Variants in EYA2 observed in about 807,000 individuals in gnomAD.
The protein encoded by EYA2 is EYA transcriptional coactivator and phosphatase 2, also known as protein phosphatase EYA2.
EYA2 carries 31 observed loss-of-function variants against 69.2 expected under a neutral mutation model. The observed-to-expected ratio is 0.45, with a 90% CI of 0.34 to 0.60. The LOEUF (loss-of-function observed/expected upper bound fraction) is 0.60, where lower values mean the gene tolerates loss of function less well. Ranked by LOEUF, EYA2 falls within the 20% of genes least tolerant of loss-of-function variation. EYA2 has a pLI of 0.02. For synonymous variants in EYA2, 257 were observed against 279.4 expected (o/e 0.92, Z 0.80); for missense variants, 622 against 701.2 (o/e 0.89, Z 1.28).
Position 47,183,433 on chromosome 20 carries a change from G to A in EYA2, c.1536+42G>A, listed in dbSNP as rs756975324. 4 of 1,588,492 alleles carry A rather than the reference G, an allele frequency of 2.5e-6. No individual in the cohort carries two copies. The African/African-American group carries it at 4.0e-5, about 16-fold the overall frequency. The stretch of plus-strand genomic sequence containing the variant: ...TCAGACTGCGTTTTCCTGCTCTTTC[G>A]AGCACCCCTCGTGGTCTTCAAGGGC... On this transcript the variant is annotated intron_variant, in intron 15 of 15. Transcript: ENST00000327619.
intron 12 of EYA2, among the ~76,000 whole-genome samples, chr20:47,175,122 G>A (rs898830996): frequency 2.0e-5 from 3 of 152,212 alleles, no homozygotes; most frequent in South Asian, 2.1e-4. Flanking sequence ...CACCCAAGGC[G>A]TCAGCCAGTG....
chr20:47,160,488 G>A (rs966863262), intron 10 of EYA2, among the ~76,000 whole-genome samples: 7 of 152,110 alleles, frequency 4.6e-5, no homozygotes, highest in African/African-American at 1.4e-4. Flanking sequence ...GACCACGGTG[G>A]GGCGGGGGGC....
intron 10 of EYA2, chr20:47,161,467 C>A: frequency 4.5e-6 from 2 of 447,358 alleles, no homozygotes; most frequent in East Asian, 5.9e-5. Context: ...TCTTTGATGG[C>A]CAGGAAGAAG....
intron 1 of EYA2, among the ~76,000 whole-genome samples, chr20:46,916,108 GC>G (rs2146230720): frequency 6.6e-6 from 1 of 152,162 alleles, no homozygotes; most frequent in South Asian, 2.1e-4. Context: ...AAAATCGCTG[GC>G]CCCTTCACTC....
intron 1 of EYA2, among the ~76,000 whole-genome samples, chr20:46,921,339 A>G (rs1418835108): frequency 6.6e-6 from 1 of 152,262 alleles, no homozygotes; most frequent in Non-Finnish European, 1.5e-5. Context: ...ACAGTTTACA[A>G]ACAGTCTCCA....
At position 47,022,684 on chromosome 20, in the gene EYA2, G is replaced by GTCTC. The variant is rs112100345; in HGVS notation, c.415+6389_415+6392dup. ...TTTTTTTTTTTTTTTTTGAGGCAGG[G>GTCTC]TCTCTGTCACCCGGGCTGGAGTGCA... On this transcript the variant is annotated intron_variant, in intron 5 of 15. Coordinates refer to ENST00000327619, the MANE Select transcript of EYA2 (RefSeq NM_005244.5). 2.2e-4 allele frequency among the ~76,000 whole-genome samples: 29 copies of GTCTC among 132,988 alleles called. 2 individuals are homozygous for GTCTC. The highest frequency in any genetic ancestry group is 8.1e-4 in the African/African-American group (29 of 35,700). 87.2% of individuals were successfully genotyped at this position (132,988 alleles called of 152,430 possible).
chr20:46,949,394 C>G (rs188768384), intron 1 of EYA2, among the ~76,000 whole-genome samples: 49 of 152,274 alleles, frequency 3.2e-4, no homozygotes, highest in Admixed American at 3.2e-3. Flanking sequence ...CAAACCTAGT[C>G]TCACAGTCAA....
In EYA2 at chr20:47,034,073, A is replaced by G. The variant is rs767388773; in HGVS notation, c.415+17776A>G. 1.7e-4 allele frequency among the ~76,000 whole-genome samples: 26 copies of G among 152,202 alleles called. 1 individual carries two copies. Among genetic ancestry groups the G allele is most frequent in the Admixed American group, 4.6e-4 (7 of 15,286 alleles). ...TCTATTTGATGCTGATATATCTTCA[A>G]TGTGTCTCTAATCCCTGCAAATACT... On this transcript the variant is annotated intron_variant, in intron 5 of 15. Coordinates refer to ENST00000327619, the MANE Select transcript of EYA2 (RefSeq NM_005244.5).
chr20:47,049,037 A>G (rs1022755982), intron 5 of EYA2, among the ~76,000 whole-genome samples: 1 of 152,214 alleles, frequency 6.6e-6, no homozygotes, highest in African/African-American at 2.4e-5. Flanking sequence ...CATTTTGCAG[A>G]TGGAGAAACT....
chr20:47,167,697 C>T (rs954756788), intron 10 of EYA2, among the ~76,000 whole-genome samples: 4 of 152,084 alleles, frequency 2.6e-5, no homozygotes, highest in Non-Finnish European at 5.9e-5. Flanking sequence ...TCCTTTCTGT[C>T]ATCAGATCAC....
intron 9 of EYA2, among the ~76,000 whole-genome samples, chr20:47,134,554 T>C (rs1484221997): frequency 1.3e-5 from 2 of 148,832 alleles, no homozygotes; most frequent in East Asian, 3.9e-4. Context: ...AGAAATACAT[T>C]TTACACTATA....
intron 1 of EYA2, among the ~76,000 whole-genome samples, chr20:46,955,703 A>AT (rs1382688131): frequency 6.6e-6 from 1 of 152,224 alleles, no homozygotes; most frequent in Non-Finnish European, 1.5e-5. Context: ...ACAATTTGCT[A>AT]GTCTCCACTT....
chr20:47,005,034 C>T lies in EYA2; in HGVS notation c.248C>T (p.Pro83Leu). Reference sequence around the variant, plus strand: ...AGTGCGGGGATCCAGCAGGCTACCCCCTATACAGCTTACCCACCTCCAGCA... The same window carrying T: ...AGTGCGGGGATCCAGCAGGCTACCCTCTATACAGCTTACCCACCTCCAGCA... The part of the protein sequence containing the change: ...QYSAGIQQAT[P>L]YTAYPPPAQA... The change falls in exon 4 of 16, where the codon CCC becomes CTC. Residue 83 changes from proline (P) to leucine (L), a missense_variant. This residue lies in a region of EYA2 where 365 missense variants were observed against 349.7 expected (regional missense o/e 1.04). Transcript: ENST00000327619. 5.6e-6 allele frequency: 9 copies of T among 1,613,990 alleles called. No individual in the cohort carries two copies. Among genetic ancestry groups the T allele is most frequent in the Non-Finnish European group, 5.9e-6 (7 of 1,179,934 alleles).
intron 12 of EYA2, among the ~76,000 whole-genome samples, chr20:47,175,383 C>T (rs2146662010): frequency 6.6e-6 from 1 of 152,210 alleles, no homozygotes; most frequent in East Asian, 1.9e-4. Context: ...GTCATCCTTC[C>T]ATCTACCACT....
chr20:47,033,005 A>G (rs902234982), intron 5 of EYA2, among the ~76,000 whole-genome samples: 2 of 152,178 alleles, frequency 1.3e-5, no homozygotes, highest in Admixed American at 6.5e-5. Context: ...AGGCCTCGCC[A>G]GGTCTCGCCA....
intron 5 of EYA2, among the ~76,000 whole-genome samples, chr20:47,023,856 T>A (rs1279524258): frequency 6.6e-6 from 1 of 152,134 alleles, no homozygotes. Context: ...CAGGCTGGTC[T>A]CAAGCTCCTG....
intron 5 of EYA2, among the ~76,000 whole-genome samples, chr20:47,019,698 AT>A (rs1388937875): frequency 6.6e-6 from 1 of 151,598 alleles, no homozygotes; most frequent in Non-Finnish European, 1.5e-5. Context: ...TTAAACCATA[AT>A]TTTGGCCCAT....
At chr20:47,169,723 T>C (rs892771800) in intron 11 of EYA2, among the ~76,000 whole-genome samples, 14 of 152,108 alleles carry the variant, frequency 9.2e-5, no homozygotes, top group African/African-American at 3.1e-4. Context: ...GCTCAAAATG[T>C]TGAAAATACC....
chr20:46,943,643 T>A (rs1012465040), intron 1 of EYA2, among the ~76,000 whole-genome samples: 4 of 152,192 alleles, frequency 2.6e-5, no homozygotes, highest in Non-Finnish European at 5.9e-5. Flanking sequence ...CAGCTGAAAC[T>A]GTTTCTCCCT....
Sources: allele counts gnomAD v4.1 joint callset (sites outside exome capture counted in the v4.1 genomes callset), GRCh38; gene constraint gnomAD v4.1.1; regional missense constraint gnomAD v4.1.1; transcripts MANE v1.5; gene names NCBI Gene and HGNC (gene_info 2026-07-23, HGNC 2026-07-21).